MUC6: variants seen among roughly 807,000 people sequenced by gnomAD.
The protein encoded by MUC6 is mucin 6, oligomeric mucus/gel-forming (gene/pseudogene).
MUC6 carries 188 observed loss-of-function variants against 201.5 expected under a neutral mutation model. The observed-to-expected ratio is 0.93, with a 90% CI of 0.83 to 1.05. MUC6 has a LOEUF of 1.05. MUC6 is among the 50% of genes least tolerant of loss of function. The probability of loss-of-function intolerance (pLI) is 0.00; values close to 1 mark genes in which losing one functional copy is unlikely to be tolerated. For synonymous variants in MUC6, 1,228 were observed against 1,389.4 expected (o/e 0.88, Z 2.58); for missense variants, 2,706 against 3,256.9 (o/e 0.83, Z 4.12).
At chr11:1,030,128 C>T (rs1012185191) in intron 8 of MUC6, 85 bp downstream of exon 8, 30 of 1,312,634 alleles carry the variant, frequency 2.3e-5, no homozygotes, top group African/African-American at 5.2e-5. Context: ...TGACCTGGGT[C>T]GGGGTGGGTG....
intron 15 of MUC6, 60 bp from the exon 16 acceptor site, chr11:1,027,877 T>C: frequency 6.3e-7 from 1 of 1,584,942 alleles, no homozygotes; most frequent in Non-Finnish European, 8.6e-7. Context: ...GACATGGGGG[T>C]CCCAAACCTA....
Position 1,025,272 on chromosome 11 carries a change from G to C in MUC6, c.2895C>G (p.Val965=). ...LGVTPGALSL[V]VDISIPGRYN... is the part of the protein sequence containing the mutation. Reference sequence around the variant, plus strand: ...ACCTCCCGGGGATGCTGATGTCCACGACAAGGCTCAGCGCACCCGGCGTCA... The same window carrying C: ...ACCTCCCGGGGATGCTGATGTCCACCACAAGGCTCAGCGCACCCGGCGTCA... The change falls in exon 23 of 33, where the codon GTC becomes GTG. Residue 965 remains valine (V), a synonymous_variant. Transcript: ENST00000421673. 6.2e-7 allele frequency: 1 copy of C among 1,612,802 alleles called. No individual in the cohort carries two copies. The highest frequency in any genetic ancestry group is 8.5e-7 in the Non-Finnish European group (1 of 1,179,864).
chr11:1,018,809 G>T (rs1590042452), intron 30 of MUC6, 39 bp from the exon 31 acceptor site: 1 of 1,530,064 alleles, frequency 6.5e-7, no homozygotes, highest in African/African-American at 1.4e-5. Flanking sequence ...TATTGTTTTT[G>T]TTTCTCTACC....
chr11:1,019,476 C>T lies in MUC6; in HGVS notation c.3829G>A (p.Ala1277Thr). The T allele has an allele frequency of 6.2e-7, 1 of 1,613,440 alleles. No homozygotes were observed. The highest frequency in any genetic ancestry group is 8.5e-7 in the Non-Finnish European group (1 of 1,179,804). Residue 1277 changes from alanine (A) to threonine (T), a missense_variant, in exon 30 of 33, where the codon GCC becomes ACC. Ala to Thr is a moderately conservative substitution (Grantham distance 58). Around this residue, in one of 10 missense-constraint regions of MUC6, gnomAD observed 1,850 missense variants for 1,958.3 expected, o/e 0.94. Coordinates refer to ENST00000421673, the MANE Select transcript of MUC6 (RefSeq NM_005961.3). ...CCTGATGTGGCTTGTGGGGTGACGGCCGTGGTTGGTCTAGGTGGTTCTGCA... is the reference window on the plus strand; with the variant it reads ...CCTGATGTGGCTTGTGGGGTGACGGTCGTGGTTGGTCTAGGTGGTTCTGCA... ...SSGEPPRPTT[A>T]VTPQATSGLP... is the part of the protein sequence containing the mutation.
chr11:1,018,031 G>T lies in MUC6; in HGVS notation c.4770C>A (p.Pro1590=). The change falls in exon 31 of 33, where the codon CCC becomes CCA. Residue 1590 remains proline (P), a synonymous_variant. Transcript: ENST00000421673. ...TGGTCTTGAAGGATGTTGCCGTCAT[G>T]GGACCTGTGGAAGAGAAGGGACTGC... is the stretch of plus-strand genomic sequence containing the variant. The part of the protein sequence containing the change: ...TGSSPFSSTG[P]MTATSFKTTT... The T allele has an allele frequency of 2.6e-6, 4 of 1,545,750 alleles. No individual in the cohort carries two copies. The highest frequency in any genetic ancestry group is 3.6e-6 in the Non-Finnish European group (4 of 1,118,454).
Position 1,030,232 on chromosome 11 carries a change from GAA to G in MUC6, c.994_995del (p.Phe332ArgfsTer12). 6.4e-7 allele frequency: 1 copy of G among 1,551,834 alleles called. No individual in the cohort carries two copies. Among genetic ancestry groups the G allele is most frequent in the Non-Finnish European group, 8.7e-7 (1 of 1,148,224 alleles). ...PQHSCSSSCT[F>X]GCFCPEGTVL... ...CCTCACCTTCCGGGCAGAAGCACCC[GAA>G]GGTGCAGGAGCTGGAGCAGCTGTGC... On this transcript the variant is annotated frameshift_variant, in exon 8 of 33. Transcript: ENST00000421673. LOFTEE classifies it high-confidence loss of function.
chr11:1,029,196 C>T (rs956574344), intron 10 of MUC6, 32 bp downstream of exon 10: 2 of 1,605,070 alleles, frequency 1.2e-6, no homozygotes, highest in African/African-American at 2.7e-5. Flanking sequence ...ACCGGGAGCG[C>T]CCCTCCCCAC....
At position 1,033,086 on chromosome 11, in the gene MUC6, G is replaced by A. The variant is rs1458349162; in HGVS notation, c.53-11C>T. 6 of 1,613,020 alleles carry A rather than the reference G, an allele frequency of 3.7e-6. No homozygotes were observed. The highest frequency in any genetic ancestry group is 1.6e-4 in the Middle Eastern group (1 of 6,080). On this transcript the variant is annotated splice_polypyrimidine_tract_variant and intron_variant, in intron 1 of 32. Coordinates refer to ENST00000421673, the MANE Select transcript of MUC6 (RefSeq NM_005961.3). This position sits in a 1 kb window ranked among gnomAD's most constrained non-coding sequence, Gnocchi z 5.6. ...AGGTGTTAGCCAGACCTGTGTGGACGGGACCCGCAGTCGGTGTGGGGCTAC... is the reference window on the plus strand; with the variant it reads ...AGGTGTTAGCCAGACCTGTGTGGACAGGACCCGCAGTCGGTGTGGGGCTAC...
rs749227430 is a variant in MUC6, at chr11:1,018,604, C to T, written c.4197G>A (p.Thr1399=). 84 of 1,612,524 alleles carry T rather than the reference C, an allele frequency of 5.2e-5. No homozygotes were observed. The highest frequency in any genetic ancestry group is 6.5e-5 in the Non-Finnish European group (77 of 1,179,536). Residue 1399 remains threonine, a synonymous_variant, in exon 31 of 33, where the codon ACG becomes ACA. Transcript: ENST00000421673. The part of the protein sequence containing the change: ...TQTRTTTEYT[T]PQTPHTTHSP... ...AGTGTGTGGTGTGTGGGGTTTGGGGCGTTGTGTATTCAGTAGTCGTTCTTG... is the reference window on the plus strand; with the variant it reads ...AGTGTGTGGTGTGTGGGGTTTGGGGTGTTGTGTATTCAGTAGTCGTTCTTG...
intron 8 of MUC6, 24 bp downstream of exon 8, chr11:1,030,189 G>A (rs1432753800): frequency 6.5e-7 from 1 of 1,548,382 alleles, no homozygotes; most frequent in East Asian, 2.4e-5. Context: ...CCCGGGGAGA[G>A]AGAGTGCCTG....
In MUC6 at chr11:1,025,765, C is replaced by A. The variant is rs531545463; in HGVS notation, c.2799+40G>T. The A allele has an allele frequency of 1.9e-6, 3 of 1,550,000 alleles. No homozygotes were observed. In the South Asian group the frequency reaches 3.4e-5, roughly 18 times the overall value. On this transcript the variant is annotated intron_variant, in intron 22 of 32. Transcript: ENST00000421673. ...TCCAGCTGTGTGGCAGGGCCCCCTA[C>A]CGCCCGTCCTGCCCTGCCAGAGTCT...
chr11:1,020,286 G>C, intron 28 of MUC6, 29 bp from the exon 29 acceptor site: 5 of 1,585,166 alleles, frequency 3.2e-6, no homozygotes, highest in Non-Finnish European at 4.3e-6. Flanking sequence ...CATCAGGGCT[G>C]CAGGGTACCG....
chr11:1,030,366 T>TACC, intron 7 of MUC6, 31 bp from the exon 8 acceptor site: 1 of 1,489,576 alleles, frequency 6.7e-7, no homozygotes, highest in Non-Finnish European at 9.1e-7. Flanking sequence ...GGTGAGAGGG[T>TACC]CCCACCCCCC....
Position 1,030,229 on chromosome 11 carries a change from C to T in MUC6, c.999G>A (p.Gly333=), listed in dbSNP as rs750858395. ...QHSCSSSCTF[G]CFCPEGTVLN... The stretch of plus-strand genomic sequence containing the variant: ...TGCCCTCACCTTCCGGGCAGAAGCA[C>T]CCGAAGGTGCAGGAGCTGGAGCAGC... Residue 333 remains glycine (G), a synonymous_variant, in exon 8 of 33, where the codon GGG becomes GGA. Transcript: ENST00000421673. The T allele has an allele frequency of 3.9e-6, 6 of 1,551,638 alleles. No homozygotes were observed. The East Asian group carries it at 1.5e-4, about 38-fold the overall frequency.
chr11:1,028,347 G>A lies in MUC6; in HGVS notation c.1632C>T (p.Phe544=), dbSNP rs1857017137. 1 of 1,612,552 alleles carries A rather than the reference G, an allele frequency of 6.2e-7. No homozygotes were observed. Among genetic ancestry groups the A allele is most frequent in the Admixed American group, 1.7e-5 (1 of 59,996 alleles). The part of the protein sequence containing the change: ...GNFNGDTTDD[F]TTSMGIAEGT... ...CCTCGGCGATACCCATGCTAGTGGTGAAGTCATCCGTTGTGTCCCCGTTGA... is the reference window on the plus strand; with the variant it reads ...CCTCGGCGATACCCATGCTAGTGGTAAAGTCATCCGTTGTGTCCCCGTTGA... The change falls in exon 14 of 33, where the codon TTC becomes TTT. Residue 544 remains phenylalanine (F), a synonymous_variant. Coordinates refer to ENST00000421673, the MANE Select transcript of MUC6 (RefSeq NM_005961.3).
In MUC6 at chr11:1,013,904, A is replaced by G; in HGVS notation, c.7137T>C (p.Ala2379=). 6.2e-7 allele frequency: 1 copy of G among 1,604,186 alleles called. No homozygotes were observed. Among genetic ancestry groups the G allele is most frequent in the African/African-American group, 1.3e-5 (1 of 74,872 alleles). The change falls in exon 32 of 33, where the codon GCT becomes GCC. Residue 2379 remains alanine, a synonymous_variant. Transcript: ENST00000421673. ...CCTCCCACCTGTGGACTCACCTGGC[A>G]GCGGAAATGCAGGCGCCCTCACAGC... ...VTRCEGACIS[A]ASFNIITQQV... is the part of the protein sequence containing the mutation.
chr11:1,031,111 TGCCCTGC>T, intron 5 of MUC6, 51 bp downstream of exon 5: 1 of 591,482 alleles, frequency 1.7e-6, no homozygotes, highest in East Asian at 7.7e-5. Context: ...GAGGCCCCCC[TGCCCTGC>T]CCCCCACCTA....
At chr11:1,034,205 T>A (rs1052615488) in intron 1 of MUC6, among the ~76,000 whole-genome samples, 4 of 151,640 alleles carry the variant, frequency 2.6e-5, no homozygotes, top group African/African-American at 7.3e-5. Context: ...GTTGGGTATT[T>A]GAGTGACTGG....
Position 1,023,535 on chromosome 11 carries a change from T to G in MUC6, c.3500A>C (p.Gln1167Pro). The change falls in exon 26 of 33, where the codon CAG becomes CCG. Residue 1167 changes from glutamine to proline, a missense_variant. This residue lies in a region of MUC6 where 1,850 missense variants were observed against 1,958.3 expected (regional missense o/e 0.94). Coordinates refer to ENST00000421673, the MANE Select transcript of MUC6 (RefSeq NM_005961.3). ...TTCGATGTTGCTGCCTGGGACGCTC[T>G]GTGGCTGGCTGGGGCAGAGGCAGGG... is the stretch of plus-strand genomic sequence containing the variant. ...YQPCLCPSQP[Q>P]SVPGSNIEGC... The G allele has an allele frequency of 6.3e-7, 1 of 1,599,988 alleles. No individual in the cohort carries two copies. The highest frequency in any genetic ancestry group is 8.5e-7 in the Non-Finnish European group (1 of 1,173,446).
Sources: gnomAD v4.1 joint callset for allele counts (sites outside exome capture counted in the v4.1 genomes callset) on GRCh38, gnomAD v4.1.1 for gene constraint, gnomAD v4.1.1 regional missense constraint, Gnocchi (gnomAD v3.1) non-coding constraint, MANE v1.5 for transcripts, NCBI Gene and HGNC (gene_info 2026-07-23, HGNC 2026-07-21) for gene names.